OTUD7A: variants seen among roughly 807,000 people sequenced by gnomAD.
OTUD7A encodes OTU deubiquitinase 7A.
A neutral mutation model predicts 65.7 loss-of-function variants in OTUD7A; 12 were observed. The observed-to-expected ratio is 0.18, with a 90% CI of 0.12 to 0.30. The LOEUF (loss-of-function observed/expected upper bound fraction) is 0.30, where lower values mean the gene tolerates loss of function less well. Ranked by LOEUF, OTUD7A falls within the 10% of genes least tolerant of loss-of-function variation. The pLI is 1.00. For missense variants in OTUD7A, 1,148 were observed against 1,304.8 expected (o/e 0.88, Z 1.85); for synonymous variants, 641 against 586.3 (o/e 1.09, Z -1.35).
At chr15:31,540,526 AACTT>A (rs1887954136) in intron 5 of OTUD7A, among the ~76,000 whole-genome samples, 1 of 152,176 alleles carries the variant, frequency 6.6e-6, no homozygotes, top group Non-Finnish European at 1.5e-5. Flanking sequence ...GGTGTTGGGC[AACTT>A]ACTTAACCAC....
intron 1 of OTUD7A, among the ~76,000 whole-genome samples, chr15:31,812,689 C>T (rs1896451005): frequency 6.6e-6 from 1 of 152,158 alleles, no homozygotes; most frequent in Non-Finnish European, 1.5e-5. Flanking sequence ...CATAAAGTGT[C>T]CCTATCCCCT....
chr15:31,758,260 A>C (rs1894868594), intron 1 of OTUD7A, among the ~76,000 whole-genome samples: 2 of 151,978 alleles, frequency 1.3e-5, no homozygotes, highest in African/African-American at 2.4e-5. Flanking sequence ...CACACACACA[A>C]AATCAAACAC....
At chr15:31,709,810 G>T (rs892746771) in intron 1 of OTUD7A, among the ~76,000 whole-genome samples, 4 of 152,228 alleles carry the variant, frequency 2.6e-5, no homozygotes, top group African/African-American at 9.6e-5. Flanking sequence ...GCAAATATAT[G>T]TGTATATATA....
chr15:31,556,199 T>C (rs1253768585), intron 5 of OTUD7A: 2 of 152,248 alleles, frequency 1.3e-5, no homozygotes, highest in African/African-American at 4.8e-5. Context: ...CTAGGACTCC[T>C]GTCCCAGGCA....
intron 8 of OTUD7A, among the ~76,000 whole-genome samples, chr15:31,523,937 C>G (rs1398886596): frequency 6.6e-6 from 1 of 152,208 alleles, no homozygotes; most frequent in Non-Finnish European, 1.5e-5. Flanking sequence ...CTTGCTGAGG[C>G]GCTCTCTGTC....
At chr15:31,840,597 G>A (rs1177260569) in intron 1 of OTUD7A, among the ~76,000 whole-genome samples, 2 of 152,140 alleles carry the variant, frequency 1.3e-5, no homozygotes. Flanking sequence ...GAAGTTAACT[G>A]GACTGTTTTT....
At chr15:31,571,760 G>A (rs934387674) in intron 3 of OTUD7A, among the ~76,000 whole-genome samples, 1 of 152,112 alleles carries the variant, frequency 6.6e-6, no homozygotes, top group African/African-American at 2.4e-5. Flanking sequence ...AGTAAGCAAC[G>A]GAGCTGAGAT....
At chr15:31,491,118 C>T (rs187903625) in intron 10 of OTUD7A, among the ~76,000 whole-genome samples, 34 of 146,280 alleles carry the variant, frequency 2.3e-4, no homozygotes, top group Middle Eastern at 3.4e-3. Flanking sequence ...ACCTATGAGG[C>T]GAAAGGAAAG....
At position 31,526,411 on chromosome 15, in the gene OTUD7A, C is replaced by T; in HGVS notation, c.831G>A (p.Leu277=). The change falls in exon 8 of 13, where the codon CTG becomes CTA. Residue 277 remains leucine, a synonymous_variant. Coordinates refer to ENST00000307050, the MANE Select transcript of OTUD7A (RefSeq NM_001382637.1). ...EEEWEREWTE[L]LKLASSEPRT... Reference sequence around the variant, plus strand: ...GCGGCTCGCTGGAGGCCAGCTTCAGCAGCTCCGTCCACTCCCGCTCCCACT... The same window carrying T: ...GCGGCTCGCTGGAGGCCAGCTTCAGTAGCTCCGTCCACTCCCGCTCCCACT... The T allele has an allele frequency of 6.2e-7, 1 of 1,601,936 alleles. No individual in the cohort carries two copies.
chr15:31,565,582 G>T (rs892855128), intron 4 of OTUD7A, among the ~76,000 whole-genome samples: 1 of 151,970 alleles, frequency 6.6e-6, no homozygotes. Context: ...GGTTTAGATG[G>T]CAAAATAAAT....
intron 1 of OTUD7A, among the ~76,000 whole-genome samples, chr15:31,674,833 C>T (rs1892561202): frequency 6.6e-6 from 1 of 152,158 alleles, no homozygotes; most frequent in Non-Finnish European, 1.5e-5. Context: ...GCAAGTCCAC[C>T]CACCATTCTG....
chr15:31,623,453 C>G (rs965234517), intron 3 of OTUD7A, among the ~76,000 whole-genome samples: 1 of 152,222 alleles, frequency 6.6e-6, no homozygotes, highest in Non-Finnish European at 1.5e-5. Context: ...CCTACTCAAG[C>G]CTGAGCAATG....
intron 1 of OTUD7A, among the ~76,000 whole-genome samples, chr15:31,750,698 A>G (rs369612087): frequency 6.6e-6 from 1 of 152,184 alleles, no homozygotes; most frequent in African/African-American, 2.4e-5. Flanking sequence ...CCAGAAGTAA[A>G]GCCACACATC....
At chr15:31,783,157 GA>G (rs1895585361) in intron 1 of OTUD7A, among the ~76,000 whole-genome samples, 1 of 152,180 alleles carries the variant, frequency 6.6e-6, no homozygotes, top group Non-Finnish European at 1.5e-5. Flanking sequence ...GAGATCAAGG[GA>G]AAAGAATGCT....
intron 1 of OTUD7A, among the ~76,000 whole-genome samples, chr15:31,763,141 G>A (rs1395831964): frequency 6.6e-6 from 1 of 152,086 alleles, no homozygotes; most frequent in Non-Finnish European, 1.5e-5. Flanking sequence ...GAATCAACTG[G>A]GCCTGGTAGC....
At chr15:31,659,849 G>A (rs1049660810) in intron 1 of OTUD7A, among the ~76,000 whole-genome samples, 2 of 152,276 alleles carry the variant, frequency 1.3e-5, no homozygotes, top group African/African-American at 4.8e-5. Flanking sequence ...AGGGAACAGA[G>A]GGGTGGATGA....
chr15:31,515,088 A>AG (rs1321583541), intron 8 of OTUD7A, among the ~76,000 whole-genome samples: 1 of 152,168 alleles, frequency 6.6e-6, no homozygotes, highest in African/African-American at 2.4e-5. Context: ...TGAACAGCAC[A>AG]GGGGGAGAGA....
chr15:31,649,079 C>T (rs1198585053), intron 3 of OTUD7A, among the ~76,000 whole-genome samples: 3 of 152,210 alleles, frequency 2.0e-5, no homozygotes, highest in Non-Finnish European at 2.9e-5. Context: ...CCTGTAAAAA[C>T]GCTTACCTAT....
chr15:31,770,928 G>A (rs1895217876), intron 1 of OTUD7A, among the ~76,000 whole-genome samples: 1 of 152,146 alleles, frequency 6.6e-6, no homozygotes, highest in Non-Finnish European at 1.5e-5. Context: ...GGGCATCTTT[G>A]AAAACACACA....
Sources: gnomAD v4.1 joint callset for allele counts (sites outside exome capture counted in the v4.1 genomes callset) on GRCh38, gnomAD v4.1.1 for gene constraint, MANE v1.5 for transcripts, NCBI Gene and HGNC (gene_info 2026-07-23, HGNC 2026-07-21) for gene names.